Variants in GRK5 observed in about 807,000 individuals in gnomAD.
GRK5 encodes G protein-coupled receptor kinase 5.
In GRK5, 40 loss-of-function variants were observed where a neutral mutation model predicts 78.4. The ratio of observed to expected loss-of-function variants is 0.51; its 90% CI spans 0.40 to 0.66. GRK5 has a LOEUF of 0.66. GRK5 is among the 30% of genes least tolerant of loss of function. The pLI, the probability that GRK5 is intolerant of heterozygous loss-of-function variation, is 0.00. For synonymous variants in GRK5, 289 were observed against 296.8 expected, an observed-to-expected ratio of 0.97 and a Z score of 0.27; for missense variants, 598 against 759.9, an observed-to-expected ratio of 0.79 and a Z score of 2.50.
intron 1 of GRK5, among the ~76,000 whole-genome samples, chr10:119,304,834 A>T (rs1009807856): frequency 7.9e-5 from 12 of 152,218 alleles, no homozygotes; most frequent in Admixed American, 2.6e-4. Context: ...GCGGACCAGC[A>T]GGGCATTTGC....
intron 12 of GRK5, among the ~76,000 whole-genome samples, chr10:119,446,298 C>T (rs994758294): frequency 7.9e-5 from 12 of 152,196 alleles, no homozygotes; most frequent in Non-Finnish European, 1.2e-4. Context: ...AACCTGCACA[C>T]GGTTTTTCAA....
chr10:119,402,714 C>A (rs1359084417), intron 4 of GRK5, among the ~76,000 whole-genome samples: 4 of 152,044 alleles, frequency 2.6e-5, no homozygotes, highest in South Asian at 2.1e-4. Flanking sequence ...ATCAGCTGGG[C>A]ATGGTGGCCC....
At chr10:119,296,192 C>T (rs2133713809) in intron 1 of GRK5, among the ~76,000 whole-genome samples, 1 of 152,328 alleles carries the variant, frequency 6.6e-6, no homozygotes, top group African/African-American at 2.4e-5. Flanking sequence ...CCCTTCATGT[C>T]ACAAAATGGC....
At chr10:119,416,236 AATGATGT>A (rs1564926310) in intron 4 of GRK5, among the ~76,000 whole-genome samples, 1 of 152,226 alleles carries the variant, frequency 6.6e-6, no homozygotes, top group Non-Finnish European at 1.5e-5. Flanking sequence ...TGATGCAGGA[AATGATGT>A]CCCTTCCTCA....
At chr10:119,328,111 C>T (rs538992091) in intron 2 of GRK5, among the ~76,000 whole-genome samples, 46 of 152,224 alleles carry the variant, frequency 3.0e-4, no homozygotes, top group Non-Finnish European at 5.0e-4. Context: ...GTGCCCTCGT[C>T]GGGAGACCAG....
chr10:119,303,512 A>C (rs1419308841), intron 1 of GRK5, among the ~76,000 whole-genome samples: 1 of 152,114 alleles, frequency 6.6e-6, no homozygotes, highest in Non-Finnish European at 1.5e-5. Context: ...GGAGGAGCTC[A>C]GAGTGTCTGG....
At chr10:119,212,543 C>G (rs1466726004) in intron 1 of GRK5, among the ~76,000 whole-genome samples, 1 of 152,174 alleles carries the variant, frequency 6.6e-6, no homozygotes, top group Non-Finnish European at 1.5e-5. Context: ...TCACCTTTAC[C>G]AAGGGCTATT....
intron 1 of GRK5, among the ~76,000 whole-genome samples, chr10:119,281,612 G>C (rs561587282): frequency 7.2e-5 from 11 of 152,158 alleles, no homozygotes; most frequent in Admixed American, 3.3e-4. Flanking sequence ...GGATCTGGCC[G>C]ACCTCGGGTC....
At chr10:119,210,478 C>T (rs1848469586) in intron 1 of GRK5, among the ~76,000 whole-genome samples, 1 of 152,128 alleles carries the variant, frequency 6.6e-6, no homozygotes, top group Admixed American at 6.5e-5. Context: ...TTTCTCTTCT[C>T]AGTTCTCATA....
At position 119,442,085 on chromosome 10, in the gene GRK5, A is replaced by G. The variant is rs1247120582; in HGVS notation, c.1054A>G (p.Met352Val). The G allele has an allele frequency of 1.9e-6, 3 of 1,613,302 alleles. No individual in the cohort carries two copies. Among genetic ancestry groups the G allele is most frequent in the Non-Finnish European group, 1.7e-6 (2 of 1,179,412 alleles). The change falls in exon 11 of 16, where the codon ATG (methionine) becomes GTG (valine). Residue 352 changes from methionine to valine, a missense_variant. Met to Val is a conservative substitution (Grantham distance 21, BLOSUM62 1). Transcript: ENST00000392870. ...CGGCCGGGTGGGCACTGTTGGCTAC[A>G]TGGGTGAGTGCTGGGCTGCCTGTGT... Reference protein sequence around the residue: ...IRGRVGTVGYMAPEVLNNQRY... With the variant: ...IRGRVGTVGYVAPEVLNNQRY...
intron 4 of GRK5, among the ~76,000 whole-genome samples, chr10:119,414,517 C>T (rs1054079327): frequency 6.6e-6 from 1 of 152,346 alleles, no homozygotes; most frequent in South Asian, 2.1e-4. Flanking sequence ...CCACATCCTC[C>T]TGCACACTGT....
At chr10:119,223,542 T>C (rs7906419) in intron 1 of GRK5, among the ~76,000 whole-genome samples, 146,250 of 151,946 alleles carry the variant, frequency 0.96, 70,618 homozygotes, top group East Asian at 1. Flanking sequence ...GAGATTATCT[T>C]GGACATCCAG....
chr10:119,340,270 G>T (rs1414196455), intron 2 of GRK5, among the ~76,000 whole-genome samples: 1 of 148,424 alleles, frequency 6.7e-6, no homozygotes, highest in Non-Finnish European at 1.5e-5. Context: ...GGGATTACAG[G>T]TGTGCGCCAC....
chr10:119,246,367 T>G (rs1314264208), intron 1 of GRK5, among the ~76,000 whole-genome samples: 2 of 151,404 alleles, frequency 1.3e-5, no homozygotes, highest in African/African-American at 4.9e-5. Context: ...TACAGACGGC[T>G]TTTTTTTTCC....
At chr10:119,285,238 G>A (rs1373232388) in intron 1 of GRK5, among the ~76,000 whole-genome samples, 1 of 152,172 alleles carries the variant, frequency 6.6e-6, no homozygotes, top group Non-Finnish European at 1.5e-5. Context: ...GGTAGGGGGA[G>A]CACTAAGGGA....
Position 119,269,620 on chromosome 10 carries a change from C to G in GRK5, c.53-56896C>G, listed in dbSNP as rs144734630. Among the ~76,000 whole-genome samples the G allele has an allele frequency of 4.8e-3, 736 of 152,018 alleles. 8 individuals are homozygous for G. Among genetic ancestry groups the G allele is most frequent in the African/African-American group, 0.017 (703 of 41,470 alleles). Reference sequence around the variant, plus strand: ...CCAAAGCGGGTGGATCACCTGAGGTCAGGAGTTTGAGACCAGCCTGGCCAA... The same window carrying G: ...CCAAAGCGGGTGGATCACCTGAGGTGAGGAGTTTGAGACCAGCCTGGCCAA... On this transcript the variant is annotated intron_variant, in intron 1 of 15. Transcript: ENST00000392870.
At chr10:119,220,852 TACTC>T (rs1387693740) in intron 1 of GRK5, among the ~76,000 whole-genome samples, 1 of 134,570 alleles carries the variant, frequency 7.4e-6, no homozygotes, top group African/African-American at 2.8e-5. Context: ...GCAAAGGTAA[TACTC>T]ACTAAAGAAA....
rs1364275089 is a variant in GRK5 at position 119,217,297 on chromosome 10, G to T, written c.52+9328G>T. ...AGTTGGGTAAATTAATTCCTACTAG[G>T]TTGTAAATGACTGATAGGTGAATCC... On this transcript the variant is annotated intron_variant, in intron 1 of 15. Coordinates refer to ENST00000392870, the MANE Select transcript of GRK5 (RefSeq NM_005308.3). The surrounding 1 kb of genome is among the most constrained non-coding windows in gnomAD (Gnocchi z 4.1). Among the ~76,000 whole-genome samples the T allele has an allele frequency of 6.6e-6, 1 of 152,224 alleles. No individual in the cohort carries two copies. The highest frequency in any genetic ancestry group is 1.5e-5 in the Non-Finnish European group (1 of 68,048).
chr10:119,273,966 G>A lies in GRK5; in HGVS notation c.53-52550G>A, dbSNP rs535665983. 3.3e-5 allele frequency among the ~76,000 whole-genome samples: 5 copies of A among 152,282 alleles called. No individual in the cohort carries two copies. In the South Asian group the frequency reaches 1.0e-3, roughly 32 times the overall value. On this transcript the variant is annotated intron_variant, in intron 1 of 15. Transcript: ENST00000392870. ...TTTTTGTATTTTTAGTAGAGACAGGGTTTCACCATGTTGGCCAGGCTGATC... is the reference window on the plus strand; with the variant it reads ...TTTTTGTATTTTTAGTAGAGACAGGATTTCACCATGTTGGCCAGGCTGATC...
Sources: allele counts gnomAD v4.1 joint callset (sites outside exome capture counted in the v4.1 genomes callset), GRCh38; gene constraint gnomAD v4.1.1; non-coding constraint Gnocchi (gnomAD v3.1); transcripts MANE v1.5; gene names NCBI Gene and HGNC (gene_info 2026-07-23, HGNC 2026-07-21).